FHIT: variants seen among roughly 807,000 people sequenced by gnomAD.
FHIT encodes the protein bis(5'-adenosyl)-triphosphatase.
In FHIT, 19 loss-of-function variants were observed where a neutral mutation model predicts 17.9. The ratio of observed to expected loss-of-function variants is 1.06; its 90% CI spans 0.74 to 1.56. FHIT has a LOEUF of 1.56. Ranked by LOEUF, FHIT falls within the 40% of genes most tolerant of loss-of-function variation. The pLI is 0.00. For synonymous variants in FHIT, 81 were observed against 69.7 expected, an observed-to-expected ratio of 1.16 and a Z score of -0.81; for missense variants, 248 against 189.2, an observed-to-expected ratio of 1.31 and a Z score of -1.82.
chr3:60,002,691 C>T (rs1344597839), intron 7 of FHIT, among the ~76,000 whole-genome samples: 1 of 152,178 alleles, frequency 6.6e-6, no homozygotes, highest in Non-Finnish European at 1.5e-5. Flanking sequence ...TGGTTTCCAT[C>T]TGACCCTGGC....
At chr3:60,590,119 G>A (rs1451012504) in intron 4 of FHIT, among the ~76,000 whole-genome samples, 5 of 151,860 alleles carry the variant, frequency 3.3e-5, no homozygotes, top group Admixed American at 2.0e-4. Flanking sequence ...ATAAGTTAAC[G>A]ATTTAAAATT....
chr3:61,066,089 CAG>C (rs2034599708), intron 2 of FHIT, among the ~76,000 whole-genome samples: 1 of 152,178 alleles, frequency 6.6e-6, no homozygotes, highest in Non-Finnish European at 1.5e-5. Context: ...TGATGAGAAA[CAG>C]CACGCAAAGG....
chr3:61,245,327 T>A (rs74396819), intron 1 of FHIT, among the ~76,000 whole-genome samples: 1 of 152,154 alleles, frequency 6.6e-6, no homozygotes, highest in South Asian at 2.1e-4. Flanking sequence ...TCAGAGAGAT[T>A]TGGACACTTT....
At chr3:59,849,950 C>T (rs1166147189) in intron 8 of FHIT, among the ~76,000 whole-genome samples, 1 of 152,160 alleles carries the variant, frequency 6.6e-6, no homozygotes, top group Non-Finnish European at 1.5e-5. Context: ...ATTATAGATA[C>T]ACAACTATAT....
chr3:60,754,375 A>T (rs1373504241), intron 4 of FHIT, among the ~76,000 whole-genome samples: 6 of 152,228 alleles, frequency 3.9e-5, no homozygotes, highest in Admixed American at 3.9e-4. Flanking sequence ...ACATACGAGT[A>T]GAGGCTGGTT....
At chr3:60,434,407 T>C (rs2030022948) in intron 5 of FHIT, among the ~76,000 whole-genome samples, 1 of 152,126 alleles carries the variant, frequency 6.6e-6, no homozygotes, top group Non-Finnish European at 1.5e-5. Flanking sequence ...ACACATTTTC[T>C]TCCCTGCTTT....
intron 5 of FHIT, among the ~76,000 whole-genome samples, chr3:60,020,574 AAG>A (rs772322877): frequency 3.9e-5 from 6 of 152,206 alleles, no homozygotes; most frequent in Non-Finnish European, 7.3e-5. Flanking sequence ...ACTAATAAAA[AAG>A]AGTCTGTATT....
intron 3 of FHIT, among the ~76,000 whole-genome samples, chr3:60,923,930 G>C (rs1553769106): frequency 6.6e-6 from 1 of 152,224 alleles, no homozygotes; most frequent in African/African-American, 2.4e-5. Flanking sequence ...CTGGCTAGGA[G>C]GGTCCTACGC....
chr3:60,504,346 A>G (rs1226909702), intron 5 of FHIT, among the ~76,000 whole-genome samples: 1 of 152,038 alleles, frequency 6.6e-6, no homozygotes, highest in Non-Finnish European at 1.5e-5. Flanking sequence ...AGGCAGGAGA[A>G]TCACTTGAAC....
rs148242547 is a variant in FHIT at position 60,460,177 on chromosome 3, T to A, written c.103+76683A>T. 3.2e-3 allele frequency among the ~76,000 whole-genome samples: 487 copies of A among 152,338 alleles called. 2 individuals are homozygous for A. The highest frequency in any genetic ancestry group is 0.011 in the African/African-American group (465 of 41,584). On this transcript the variant is annotated intron_variant, in intron 5 of 9. Coordinates refer to ENST00000492590, the MANE Select transcript of FHIT (RefSeq NM_002012.4). ...CTATCAAACTTGTCTTGAACTTTCCTCACTTACCTTTCGGGGGGCAAATCT... is the reference window on the plus strand; with the variant it reads ...CTATCAAACTTGTCTTGAACTTTCCACACTTACCTTTCGGGGGGCAAATCT...
chr3:60,197,115 C>T (rs1702683208), intron 5 of FHIT, among the ~76,000 whole-genome samples: 1 of 152,174 alleles, frequency 6.6e-6, no homozygotes, highest in South Asian at 2.1e-4. Context: ...ATTCGAAAAG[C>T]AGCATACTTA....
intron 5 of FHIT, among the ~76,000 whole-genome samples, chr3:60,031,494 A>G (rs1188705205): frequency 6.6e-6 from 1 of 152,196 alleles, no homozygotes; most frequent in Non-Finnish European, 1.5e-5. Context: ...CTGGATTCCA[A>G]TTCCATTTTT....
chr3:60,695,259 G>T (rs908099856), intron 4 of FHIT, among the ~76,000 whole-genome samples: 14 of 152,140 alleles, frequency 9.2e-5, no homozygotes, highest in Non-Finnish European at 1.3e-4. Flanking sequence ...AGCCAGGTGT[G>T]GTGGCGGGTA....
At chr3:60,279,247 A>G (rs1330154817) in intron 5 of FHIT, among the ~76,000 whole-genome samples, 1 of 152,114 alleles carries the variant, frequency 6.6e-6, no homozygotes, top group Non-Finnish European at 1.5e-5. Context: ...TGATAAAGAA[A>G]TATGATGAAC....
At chr3:60,705,239 C>A (rs921483741) in intron 4 of FHIT, among the ~76,000 whole-genome samples, 1 of 151,946 alleles carries the variant, frequency 6.6e-6, no homozygotes, top group Non-Finnish European at 1.5e-5. Context: ...ATAATGGAAG[C>A]AGGATAAAAG....
At chr3:60,707,715 CT>C (rs1652698816) in intron 4 of FHIT, among the ~76,000 whole-genome samples, 1 of 152,116 alleles carries the variant, frequency 6.6e-6, no homozygotes, top group Admixed American at 6.5e-5. Flanking sequence ...CATTTTTATC[CT>C]ATCAGATTAG....
intron 4 of FHIT, among the ~76,000 whole-genome samples, chr3:60,699,352 C>CA (rs1277086988): frequency 5.9e-5 from 9 of 152,108 alleles, no homozygotes; most frequent in South Asian, 4.2e-4. Context: ...GTTTACTAAG[C>CA]AAGGTAGGTA....
At position 61,142,505 on chromosome 3, in the gene FHIT, C is replaced by T. The variant is rs895156829; in HGVS notation, c.-164+58112G>A. On this transcript the variant is annotated intron_variant, in intron 2 of 9. Transcript: ENST00000492590. The stretch of plus-strand genomic sequence containing the variant: ...TTAGACTGCTAACCTGCTGTGATCA[C>T]CTTACCTCCTCTTTTAAATGAGTGG... Among the ~76,000 whole-genome samples the T allele has an allele frequency of 8.5e-5, 13 of 152,144 alleles. 1 individual carries two copies. The highest frequency in any genetic ancestry group is 7.9e-4 in the Admixed American group (12 of 15,272).
intron 8 of FHIT, among the ~76,000 whole-genome samples, chr3:59,765,554 A>G (rs1701751021): frequency 6.6e-6 from 1 of 152,246 alleles, no homozygotes; most frequent in Admixed American, 6.5e-5. Flanking sequence ...TTACTCAGAC[A>G]GTCTGATCCT....
Sources: allele counts gnomAD v4.1 joint callset (sites outside exome capture counted in the v4.1 genomes callset), GRCh38; gene constraint gnomAD v4.1.1; transcripts MANE v1.5; gene names NCBI Gene and HGNC (gene_info 2026-07-23, HGNC 2026-07-21).